The following DNAH7 variants were observed in gnomAD, a reference collection of about 807,000 sequenced individuals.
DNAH7 encodes the protein axonemal beta dynein heavy chain 7.
In DNAH7, 397 loss-of-function variants were observed where a neutral mutation model predicts 444.6. The observed-to-expected ratio is 0.89, with a 90% confidence interval of 0.82 to 0.97. The LOEUF (loss-of-function observed/expected upper bound fraction) is 0.97, where lower values mean the gene tolerates loss of function less well. Ranked by LOEUF, DNAH7 falls within the 50% of genes least tolerant of loss-of-function variation. The pLI is 0.00. For missense variants in DNAH7, 4,902 were observed against 4,800.8 expected, an observed-to-expected ratio of 1.02 and a Z score of -0.62; for synonymous variants, 1,636 against 1,624.4, an observed-to-expected ratio of 1.01 and a Z score of -0.17.
At chr2:195,940,027 A>G (rs1689316566) in intron 19 of DNAH7, among the ~76,000 whole-genome samples, 1 of 152,198 alleles carries the variant, frequency 6.6e-6, no homozygotes, top group Non-Finnish European at 1.5e-5. Flanking sequence ...AACTACTTTA[A>G]ATTTCACATG....
chr2:195,829,985 A>G (rs1697982693), intron 48 of DNAH7, among the ~76,000 whole-genome samples: 1 of 152,154 alleles, frequency 6.6e-6, no homozygotes, highest in African/African-American at 2.4e-5. Flanking sequence ...TTTTAAAAAA[A>G]GGAAAAAATG....
chr2:196,027,406 G>T (rs1327906196), intron 6 of DNAH7, among the ~76,000 whole-genome samples: 3 of 151,704 alleles, frequency 2.0e-5, no homozygotes, highest in Admixed American at 1.3e-4. Flanking sequence ...TTTTATAGCT[G>T]CTATTGTGTG....
chr2:195,894,854 CTT>C (rs1702214449), intron 30 of DNAH7, 120 bp downstream of exon 30: 1 of 1,018,706 alleles, frequency 9.8e-7, no homozygotes, highest in Non-Finnish European at 1.3e-6. Context: ...TTTATTTTCT[CTT>C]TGACTCATTT....
rs2125406571 is a variant in DNAH7 at position 195,934,721 on chromosome 2, A to G, written c.3341T>C (p.Ile1114Thr). The change falls in exon 21 of 65, where the codon ATT becomes ACT. Residue 1114 changes from isoleucine (I) to threonine (T), a missense_variant. Coordinates refer to ENST00000312428, the MANE Select transcript of DNAH7 (RefSeq NM_018897.3). ...TCCTTCGCTGCTCTTCATGTGAGTAATGTCTAAAGTTTCCGTAAATTCTAC... is the reference window on the plus strand; with the variant it reads ...TCCTTCGCTGCTCTTCATGTGAGTAGTGTCTAAAGTTTCCGTAAATTCTAC... ...AKVEFTETLD[I>T]THMKSSEGEV... 8 of 1,614,120 alleles carry G rather than the reference A, an allele frequency of 5.0e-6. No individual in the cohort carries two copies. The highest frequency in any genetic ancestry group is 2.2e-5 in the East Asian group (1 of 44,868).
At chr2:195,831,926 T>C (rs761169688) in intron 48 of DNAH7, among the ~76,000 whole-genome samples, 1 of 152,226 alleles carries the variant, frequency 6.6e-6, no homozygotes, top group Admixed American at 6.5e-5. Flanking sequence ...CATTCTCTAA[T>C]ACCTCACTTA....
chr2:196,036,098 CT>C (rs1240258811), intron 5 of DNAH7, among the ~76,000 whole-genome samples: 2 of 148,152 alleles, frequency 1.3e-5, no homozygotes, highest in Non-Finnish European at 3.0e-5. Flanking sequence ...ATGGCGTGAT[CT>C]CAGCTCACTG....
intron 49 of DNAH7, among the ~76,000 whole-genome samples, chr2:195,820,656 C>T (rs1319984894): frequency 6.6e-6 from 1 of 152,112 alleles, no homozygotes; most frequent in African/African-American, 2.4e-5. Flanking sequence ...ATGTTAGTGA[C>T]AATTTTGTCC....
intron 12 of DNAH7, among the ~76,000 whole-genome samples, chr2:195,993,150 T>C (rs1009277029): frequency 4.6e-5 from 7 of 152,206 alleles, no homozygotes; most frequent in Non-Finnish European, 8.8e-5. Flanking sequence ...TCCTTGGGAC[T>C]GTTACATCAT....
At chr2:195,809,929 C>T in intron 51 of DNAH7, 58 bp from the exon 52 acceptor site, 3 of 1,309,402 alleles carry the variant, frequency 2.3e-6, no homozygotes, top group Non-Finnish European at 3.0e-6. Context: ...AGATAATGCT[C>T]TTAAGAAACT....
At chr2:195,917,079 G>A (rs1687729504) in intron 24 of DNAH7, among the ~76,000 whole-genome samples, 1 of 136,910 alleles carries the variant, frequency 7.3e-6, no homozygotes, top group Non-Finnish European at 1.5e-5. Context: ...TCCAGCCTGG[G>A]CAACAGAGTG....
At chr2:196,040,059 T>C (rs562273848) in intron 5 of DNAH7, among the ~76,000 whole-genome samples, 20 of 152,046 alleles carry the variant, frequency 1.3e-4, no homozygotes, top group Middle Eastern at 6.8e-3. Context: ...AAATAATGAG[T>C]AATGAGATTG....
At chr2:195,806,645 C>G (rs1163206042) in intron 54 of DNAH7, 95 bp downstream of exon 54, 1 of 970,274 alleles carries the variant, frequency 1.0e-6, no homozygotes, top group African/African-American at 1.7e-5. Flanking sequence ...GCTCCTCTAC[C>G]TCCCCCATGA....
chr2:195,778,695 T>TATATATATACACATATATATACACAC (rs1559089905), intron 58 of DNAH7, among the ~76,000 whole-genome samples: 60 of 89,826 alleles, frequency 6.7e-4, no homozygotes, highest in African/African-American at 2.2e-3. Context: ...TATATACACA[T>TATATATATACACATATATATACACAC]ATATATATAC....
intron 46 of DNAH7, among the ~76,000 whole-genome samples, chr2:195,850,447 C>T (rs1256266102): frequency 6.6e-6 from 1 of 152,104 alleles, no homozygotes; most frequent in East Asian, 1.9e-4. Flanking sequence ...AAATCCAGGG[C>T]TTGTATATTC....
At chr2:195,825,736 A>T (rs1027487798) in intron 48 of DNAH7, among the ~76,000 whole-genome samples, 1 of 152,194 alleles carries the variant, frequency 6.6e-6, no homozygotes, top group African/African-American at 2.4e-5. Context: ...AATTTGGATG[A>T]TGGCATTTTG....
rs149821124 is a variant in DNAH7 at position 195,941,209 on chromosome 2, A to G, written c.3079-4417T>C. On this transcript the variant is annotated intron_variant, in intron 19 of 64. Coordinates refer to ENST00000312428, the MANE Select transcript of DNAH7 (RefSeq NM_018897.3). The stretch of plus-strand genomic sequence containing the variant: ...ATGCAGCCATTTAAAAAATGAGTTC[A>G]TGTCCTTTGCGGGGACATAGATGAA... Among the ~76,000 whole-genome samples the G allele has an allele frequency of 2.7e-3, 404 of 152,270 alleles. 2 individuals carry two copies. Among genetic ancestry groups the G allele is most frequent in the African/African-American group, 8.7e-3 (362 of 41,550 alleles).
chr2:195,780,857 G>A (rs1484051317), intron 58 of DNAH7, among the ~76,000 whole-genome samples: 1 of 151,914 alleles, frequency 6.6e-6, no homozygotes, highest in Non-Finnish European at 1.5e-5. Flanking sequence ...CCTCCTTACA[G>A]TAACCTACTA....
chr2:196,057,754 A>G (rs1239664484), intron 2 of DNAH7, among the ~76,000 whole-genome samples: 1 of 152,222 alleles, frequency 6.6e-6, no homozygotes, highest in Non-Finnish European at 1.5e-5. Flanking sequence ...TGTAGAAGTT[A>G]TAATAGTTTA....
intron 47 of DNAH7, among the ~76,000 whole-genome samples, chr2:195,839,770 CTG>C (rs1292558774): frequency 1.3e-5 from 2 of 151,654 alleles, no homozygotes; most frequent in Admixed American, 6.6e-5. Context: ...TTAGATGAAA[CTG>C]AGCAATTTCT....
Sources: allele counts gnomAD v4.1 joint callset (sites outside exome capture counted in the v4.1 genomes callset), GRCh38; gene constraint gnomAD v4.1.1; transcripts MANE v1.5; gene names NCBI Gene and HGNC (gene_info 2026-07-23, HGNC 2026-07-21).